Variants in PEX5 observed in about 807,000 individuals in gnomAD.
PEX5 encodes PTS1 receptor.
A neutral mutation model predicts 82.9 loss-of-function variants in PEX5; 52 were observed. The observed-to-expected ratio is 0.63, with a 90% CI of 0.50 to 0.79. PEX5 has a LOEUF of 0.79. Among genes scored for constraint, PEX5 ranks in the 30% least tolerant of loss-of-function variants. The pLI, the probability that PEX5 is intolerant of heterozygous loss-of-function variation, is 0.00. For synonymous variants in PEX5, 300 were observed against 318.8 expected, an observed-to-expected ratio of 0.94 and a Z score of 0.63; for missense variants, 719 against 815.2, an observed-to-expected ratio of 0.88 and a Z score of 1.44.
At position 7,210,489 on chromosome 12, in the gene PEX5, T is replaced by A; in HGVS notation, c.*266T>A. 1 of 565,094 alleles carries A rather than the reference T, an allele frequency of 1.8e-6. No homozygotes were observed. Among genetic ancestry groups the A allele is most frequent in the South Asian group, 2.0e-5 (1 of 50,422 alleles). The allele number at this position is 565,094 out of a possible 1,614,324, so 35.0% of individuals were successfully genotyped here. On this transcript the variant is annotated 3_prime_UTR_variant, in exon 16 of 16. Transcript: ENST00000675855. Reference sequence around the variant, plus strand: ...AGATCTCTCTGCTCATCATGCCCTTTCTTGGTGCTGCTTTTTGGGTAGGAC... The same window carrying A: ...AGATCTCTCTGCTCATCATGCCCTTACTTGGTGCTGCTTTTTGGGTAGGAC...
rs747187521 is a variant in PEX5 at position 7,189,852 on chromosome 12, G to C, written c.-17+102G>C. The C allele has an allele frequency of 7.5e-4, 960 of 1,277,294 alleles. 13 individuals carry two copies. The South Asian group carries it at 0.016, about 22-fold the overall frequency. 79.1% of individuals were successfully genotyped at this position (1,277,294 alleles called of 1,614,324 possible). The stretch of plus-strand genomic sequence containing the variant: ...CAGGGGCGGGGCTGGAGCGGCAGCA[G>C]GGCCGGGGAGATGGGCGGTGGGGAG... On this transcript the variant is annotated intron_variant, in intron 1 of 15. Coordinates refer to ENST00000675855, the MANE Select transcript of PEX5 (RefSeq NM_001351132.2).
At chr12:7,209,242 G>A in intron 14 of PEX5, 72 bp downstream of exon 14, 1 of 1,475,988 alleles carries the variant, frequency 6.8e-7, no homozygotes, top group Non-Finnish European at 9.4e-7. Context: ...TTGGGAAGCT[G>A]GGTTTGATGG....
intron 5 of PEX5, among the ~76,000 whole-genome samples, chr12:7,193,465 C>T (rs900317945): frequency 3.3e-5 from 5 of 152,130 alleles, no homozygotes; most frequent in African/African-American, 1.2e-4. Flanking sequence ...AACTCCTGAC[C>T]TTAAGTAATC....
At chr12:7,200,093 C>G (rs79010986) in intron 6 of PEX5, among the ~76,000 whole-genome samples, 3 of 115,080 alleles carry the variant, frequency 2.6e-5, no homozygotes, top group Non-Finnish European at 4.0e-5. Context: ...CCCTCCCGGA[C>G]GGGGTGGCTG....
At chr12:7,196,241 ATGT>A (rs1942144526) in intron 5 of PEX5, among the ~76,000 whole-genome samples, 1 of 31,948 alleles carries the variant, frequency 3.1e-5, no homozygotes, top group African/African-American at 6.6e-5. Context: ...ATTTAATTAT[ATGT>A]CATATTTAAT....
intron 11 of PEX5, 26 bp from the exon 12 acceptor site, chr12:7,207,984 G>A: frequency 1.9e-6 from 3 of 1,597,214 alleles, no homozygotes; most frequent in African/African-American, 1.3e-5. Flanking sequence ...AATATGGGGT[G>A]ATGGAATCTG....
intron 5 of PEX5, among the ~76,000 whole-genome samples, chr12:7,197,886 G>A (rs1943052046): frequency 6.6e-6 from 1 of 152,204 alleles, no homozygotes. Flanking sequence ...CTTGGGAACT[G>A]TCCTTGTCAT....
chr12:7,202,168 C>T, intron 7 of PEX5, 73 bp from the exon 8 acceptor site: 3 of 1,611,602 alleles, frequency 1.9e-6, no homozygotes, highest in Admixed American at 1.7e-5. Flanking sequence ...GTACAGGGTC[C>T]TCTTGGGCAT....
intron 5 of PEX5, 41 bp downstream of exon 5, chr12:7,191,741 G>C (rs779704055): frequency 6.3e-7 from 1 of 1,585,740 alleles, no homozygotes. Context: ...GCTTCTATGG[G>C]ACAGAATTCT....
At chr12:7,201,268 T>C (rs954440767) in intron 6 of PEX5, among the ~76,000 whole-genome samples, 4 of 105,414 alleles carry the variant, frequency 3.8e-5, no homozygotes. Context: ...CGTACACATG[T>C]ATACACACAC....
At chr12:7,197,472 TTATA>T (rs1320061576) in intron 5 of PEX5, among the ~76,000 whole-genome samples, 3 of 144,758 alleles carry the variant, frequency 2.1e-5, no homozygotes, top group African/African-American at 7.6e-5. Context: ...ATTATATATG[TTATA>T]TATAATATAA....
At chr12:7,208,333 A>AGAGGAGTCACAGGT in intron 12 of PEX5, 124 bp from the exon 13 acceptor site, 1 of 778,278 alleles carries the variant, frequency 1.3e-6, no homozygotes, top group Non-Finnish European at 2.3e-6. Context: ...AACTCATGTC[A>AGAGGAGTCACAGGT]GAGGAGTCAC....
chr12:7,196,024 C>CATTATACATTATAT (rs1555174622), intron 5 of PEX5, among the ~76,000 whole-genome samples: 2 of 66,940 alleles, frequency 3.0e-5, no homozygotes, highest in Non-Finnish European at 7.6e-5. Flanking sequence ...TTACATTATA[C>CATTATACATTATAT]ATTATATATT....
intron 17 of PEX5, among the ~76,000 whole-genome samples, chr12:7,216,502 C>A (rs1299488998): frequency 6.6e-6 from 1 of 152,020 alleles, no homozygotes; most frequent in East Asian, 1.9e-4. Flanking sequence ...TATTGTATGT[C>A]CAAAGTTCAC....
chr12:7,216,264 G>A (rs931324284), downstream of PEX5, among the ~76,000 whole-genome samples: 1 of 152,092 alleles, frequency 6.6e-6, no homozygotes, highest in Non-Finnish European at 1.5e-5. Context: ...CACCGTGCCC[G>A]GCCCAAATTC....
At chr12:7,198,688 G>A (rs1049099747) in intron 5 of PEX5, among the ~76,000 whole-genome samples, 10 of 152,214 alleles carry the variant, frequency 6.6e-5, no homozygotes, top group South Asian at 2.1e-4. Flanking sequence ...AAGCCCTTCC[G>A]CTTCCTATTT....
Position 7,208,597 on chromosome 12 carries a change from C to T in PEX5, c.1322C>T (p.Thr441Ile), listed in dbSNP as rs777898843. The T allele has an allele frequency of 9.3e-6, 15 of 1,614,184 alleles. No homozygotes were observed. The highest frequency in any genetic ancestry group is 3.3e-5 in the South Asian group (3 of 91,090). ...ACACCAGCCTATGCCCATCTGGTGA[C>T]ACCTGCTGAAGAAGGGGCTGGTGGG... is the stretch of plus-strand genomic sequence containing the variant. Reference protein sequence around the residue: ...RYTPAYAHLVTPAEEGAGGAG... With the variant: ...RYTPAYAHLVIPAEEGAGGAG... The change falls in exon 13 of 16, where the codon ACA becomes ATA. Residue 441 changes from threonine to isoleucine, a missense_variant. Physicochemically the swap from Thr to Ile is moderately conservative, Grantham distance 89. Coordinates refer to ENST00000675855, the MANE Select transcript of PEX5 (RefSeq NM_001351132.2).
downstream of PEX5, among the ~76,000 whole-genome samples, chr12:7,213,866 A>C (rs1326384108): frequency 6.6e-6 from 1 of 151,660 alleles, no homozygotes; most frequent in African/African-American, 2.4e-5. Flanking sequence ...CAATGAACTC[A>C]AACAAATTTA....
chr12:7,192,652 A>G (rs1335825985), intron 5 of PEX5, among the ~76,000 whole-genome samples: 1 of 152,134 alleles, frequency 6.6e-6, no homozygotes, highest in African/African-American at 2.4e-5. Flanking sequence ...AAAGTTACCA[A>G]GTTCCAGGAT....
Sources: allele counts gnomAD v4.1 joint callset (sites outside exome capture counted in the v4.1 genomes callset), GRCh38; gene constraint gnomAD v4.1.1; transcripts MANE v1.5; gene names NCBI Gene and HGNC (gene_info 2026-07-23, HGNC 2026-07-21).